Variants in SYTL5 observed in about 807,000 individuals in gnomAD.
The protein encoded by SYTL5 is synaptotagmin-like protein 5.
SYTL5 carries 34 observed loss-of-function variants against 55.9 expected under a neutral mutation model. That is an observed-to-expected ratio of 0.61 (90% CI 0.46 to 0.81). The LOEUF (loss-of-function observed/expected upper bound fraction) is 0.81, where lower values mean the gene tolerates loss of function less well. Among genes scored for constraint, SYTL5 ranks in the 30% least tolerant of loss-of-function variants. The pLI, the probability that SYTL5 is intolerant of heterozygous loss-of-function variation, is 0.00. For synonymous variants in SYTL5, 221 were observed against 188.7 expected, an observed-to-expected ratio of 1.17 and a Z score of -1.40; for missense variants, 637 against 546.7, an observed-to-expected ratio of 1.17 and a Z score of -1.65.
intron 5 of SYTL5, among the ~76,000 whole-genome samples, chrX:38,075,637 T>G (rs1936372338): frequency 8.9e-6 from 1 of 111,753 alleles, no homozygotes; most frequent in African/African-American, 3.3e-5. Flanking sequence ...TATTAAGTGC[T>G]ATTCTCACCA....
intron 4 of SYTL5, among the ~76,000 whole-genome samples, chrX:38,073,274 A>T: frequency 8.9e-6 from 1 of 111,875 alleles, no homozygotes; most frequent in Non-Finnish European, 1.9e-5. Flanking sequence ...GTCTCCAGGG[A>T]TTTGGAGATC....
At chrX:38,107,773 G>A (rs771449710) in intron 11 of SYTL5, among the ~76,000 whole-genome samples, 1 of 111,829 alleles carries the variant, frequency 8.9e-6, no homozygotes, top group Non-Finnish European at 1.9e-5. Flanking sequence ...ACAAATGAGT[G>A]GATTTTGACT....
the SYTL5 span, among the ~76,000 whole-genome samples, chrX:37,936,501 C>T: frequency 1.8e-5 from 2 of 111,657 alleles, no homozygotes; most frequent in African/African-American, 3.3e-5. Context: ...AGAAAGTATC[C>T]TTTTATCTAG....
the SYTL5 span, among the ~76,000 whole-genome samples, chrX:37,925,970 A>G: frequency 1.8e-5 from 2 of 111,745 alleles, no homozygotes; most frequent in African/African-American, 6.5e-5. Context: ...ATTCCATCAT[A>G]TATATATGTA....
intron 4 of SYTL5, among the ~76,000 whole-genome samples, chrX:38,072,796 G>A (rs59921785): frequency 8.9e-6 from 1 of 111,990 alleles, no homozygotes; most frequent in Admixed American, 9.5e-5. Context: ...GTGCCTTTTG[G>A]TGCATTCAAA....
At chrX:38,051,477 G>A (rs1303270290) in intron 2 of SYTL5, among the ~76,000 whole-genome samples, 1 of 111,317 alleles carries the variant, frequency 9.0e-6, no homozygotes, top group Non-Finnish European at 1.9e-5. Context: ...TCTTATTTGA[G>A]GCAAATATTC....
chrX:38,000,298 T>G, the SYTL5 span, among the ~76,000 whole-genome samples: 30,686 of 111,580 alleles, frequency 0.28, 4,055 homozygotes, highest in Non-Finnish European at 0.4. Flanking sequence ...TTGTCTTAAA[T>G]GTGGTTATGG....
In SYTL5 at chrX:38,097,355, G is replaced by A. The variant is rs143540121; in HGVS notation, c.1062+1121G>A. 6.9e-3 allele frequency among the ~76,000 whole-genome samples: 766 copies of A among 110,437 alleles called. 4 individuals are homozygous for A. Among genetic ancestry groups the A allele is most frequent in the Non-Finnish European group, 0.012 (618 of 52,274 alleles). ...TGACTAGAACTGATAAACAAGTTCA[G>A]CAAGGTTGCAGGAGATAAGATCAAT... On this transcript the variant is annotated intron_variant, in intron 9 of 16. Coordinates refer to ENST00000297875, the MANE Select transcript of SYTL5 (RefSeq NM_138780.3).
intron 9 of SYTL5, among the ~76,000 whole-genome samples, chrX:38,100,068 A>G (rs1373581204): frequency 1.8e-5 from 2 of 110,991 alleles, no homozygotes; most frequent in Non-Finnish European, 3.8e-5. Flanking sequence ...CTTTGCTATC[A>G]GAGTAATGCT....
chrX:38,024,310 G>T (rs898904296), intron 1 of SYTL5, among the ~76,000 whole-genome samples: 1 of 110,667 alleles, frequency 9.0e-6, no homozygotes, highest in Admixed American at 9.6e-5. Context: ...CCCTGCACTC[G>T]CTCTTTTGCC....
At chrX:37,958,496 AC>A in the SYTL5 span, among the ~76,000 whole-genome samples, 1 of 111,457 alleles carries the variant, frequency 9.0e-6, no homozygotes, top group African/African-American at 3.3e-5. Flanking sequence ...AATCCCATTA[AC>A]ATATGGATTT....
At chrX:38,102,528 T>C in intron 10 of SYTL5, 94 bp downstream of exon 10, 1 of 600,160 alleles carries the variant, frequency 1.7e-6, no homozygotes, top group African/African-American at 2.2e-5. Context: ...CTTAGGAAAA[T>C]GTGTGATAAT....
the SYTL5 span, among the ~76,000 whole-genome samples, chrX:37,979,814 CT>C: frequency 1.8e-3 from 181 of 103,083 alleles, 1 homozygote; most frequent in Middle Eastern, 4.9e-3. Context: ...CTTTTCTTTT[CT>C]TTTTTTTTTA....
At chrX:37,996,624 G>T in the SYTL5 span, among the ~76,000 whole-genome samples, 98 of 112,751 alleles carry the variant, frequency 8.7e-4, no homozygotes, top group African/African-American at 3.0e-3. Context: ...CCAGAGTCAA[G>T]CCTGAGGGCA....
At chrX:38,050,933 G>T (rs1011950669) in intron 2 of SYTL5, among the ~76,000 whole-genome samples, 1 of 112,298 alleles carries the variant, frequency 8.9e-6, no homozygotes, top group Non-Finnish European at 1.9e-5. Flanking sequence ...CGTTTCATTG[G>T]CCAGTGTGAG....
At chrX:37,993,678 G>A in the SYTL5 span, among the ~76,000 whole-genome samples, 1,240 of 112,183 alleles carry the variant, frequency 0.011, 19 homozygotes, top group African/African-American at 0.038. Context: ...GCAAAATTGG[G>A]AGCAAGGCAG....
the SYTL5 span, among the ~76,000 whole-genome samples, chrX:37,931,085 T>C: frequency 1.1e-3 from 128 of 112,170 alleles, no homozygotes; most frequent in African/African-American, 4.0e-3. Flanking sequence ...ATTTACGTCA[T>C]TATTTCAATC....
At chrX:38,120,284 C>T in intron 13 of SYTL5, 74 bp from the exon 14 acceptor site, 1 of 705,336 alleles carries the variant, frequency 1.4e-6, no homozygotes, top group Non-Finnish European at 2.3e-6. Context: ...GTAAATATTG[C>T]ACATTCAAAT....
At chrX:37,955,669 T>G in the SYTL5 span, among the ~76,000 whole-genome samples, 1 of 111,716 alleles carries the variant, frequency 9.0e-6, no homozygotes, top group East Asian at 2.8e-4. Flanking sequence ...GTAAAGAAAG[T>G]TCTAGGTTTT....
Sources: allele counts gnomAD v4.1 joint callset (sites outside exome capture counted in the v4.1 genomes callset), GRCh38; gene constraint gnomAD v4.1.1; transcripts MANE v1.5; gene names NCBI Gene and HGNC (gene_info 2026-07-23, HGNC 2026-07-21).